PSMA4: variants seen among roughly 807,000 people sequenced by gnomAD.
PSMA4 encodes proteasome subunit alpha type-4.
In PSMA4, 8 loss-of-function variants were observed where a neutral mutation model predicts 37.2. The observed-to-expected ratio is 0.22, with a 90% CI of 0.13 to 0.39. PSMA4 has a LOEUF of 0.39. Ranked by LOEUF, PSMA4 falls within the 10% of genes least tolerant of loss-of-function variation. The probability of loss-of-function intolerance (pLI) is 1.00; values close to 1 mark genes in which losing one functional copy is unlikely to be tolerated. For synonymous variants in PSMA4, 93 were observed against 98.8 expected (o/e 0.94, Z 0.35); for missense variants, 169 against 305.1 (o/e 0.55, Z 3.32).
At position 78,542,746 on chromosome 15, in the gene PSMA4, T is replaced by A; in HGVS notation, c.209+101T>A. 3 of 1,170,900 alleles carry A rather than the reference T, an allele frequency of 2.6e-6. No homozygotes were observed. The East Asian group carries it at 7.2e-5, about 28-fold the overall frequency. The allele number at this position is 1,170,900 out of a possible 1,614,324, so 72.5% of individuals were successfully genotyped here. On this transcript the variant is annotated intron_variant, in intron 4 of 8. Transcript: ENST00000044462. ...GGCTCTTCCGTGCGATGTGGTAGAATTGAAATTGTGCCTTTATTTTGCTTG... is the reference window on the plus strand; with the variant it reads ...GGCTCTTCCGTGCGATGTGGTAGAAATGAAATTGTGCCTTTATTTTGCTTG...
intron 8 of PSMA4, 63 bp downstream of exon 8, chr15:78,546,761 T>C: frequency 2.0e-6 from 3 of 1,482,816 alleles, no homozygotes; most frequent in Non-Finnish European, 2.7e-6. Flanking sequence ...GCTGTTAAGA[T>C]TTTTTTCTTT....
intron 4 of PSMA4, among the ~76,000 whole-genome samples, chr15:78,543,496 C>A (rs1055900135): frequency 5.3e-5 from 8 of 152,138 alleles, no homozygotes; most frequent in African/African-American, 1.7e-4. Context: ...CTGCCATTGT[C>A]CCCTGTCACC....
chr15:78,541,961 G>A, intron 2 of PSMA4, 31 bp downstream of exon 2: 2 of 1,591,790 alleles, frequency 1.3e-6, no homozygotes, highest in Non-Finnish European at 1.7e-6. Flanking sequence ...ATAAACGGTT[G>A]CCTGATAAAC....
chr15:78,545,074 T>G (rs1596044038), intron 6 of PSMA4, 117 bp downstream of exon 6: 1 of 620,076 alleles, frequency 1.6e-6, no homozygotes, highest in East Asian at 2.9e-5. Flanking sequence ...AAATTTAATT[T>G]TTTTAATTGG....
chr15:78,541,795 C>T (rs2052457917), intron 1 of PSMA4, 110 bp from the exon 2 acceptor site: 3 of 908,730 alleles, frequency 3.3e-6, no homozygotes, highest in East Asian at 2.6e-5. Flanking sequence ...TAGCATAATG[C>T]CTGACACTTA....
At chr15:78,547,017 C>T (rs1342962540) in intron 8 of PSMA4, among the ~76,000 whole-genome samples, 1 of 152,186 alleles carries the variant, frequency 6.6e-6, no homozygotes, top group Admixed American at 6.5e-5. Context: ...CCTCCCGCTT[C>T]AGCCTCTCAA....
intron 8 of PSMA4, among the ~76,000 whole-genome samples, chr15:78,548,297 A>G (rs2052592297): frequency 6.6e-6 from 1 of 152,024 alleles, no homozygotes; most frequent in Non-Finnish European, 1.5e-5. Context: ...ACTTCCACCC[A>G]GTTTCAAGGA....
chr15:78,545,914 A>G, intron 7 of PSMA4, 150 bp downstream of exon 7: 1 of 855,352 alleles, frequency 1.2e-6, no homozygotes, highest in Non-Finnish European at 1.8e-6. Flanking sequence ...TGGTGACAGC[A>G]TTGCTGATAT....
At chr15:78,548,696 T>A in intron 8 of PSMA4, 94 bp from the exon 9 acceptor site, 1 of 1,490,940 alleles carries the variant, frequency 6.7e-7, no homozygotes, top group East Asian at 2.3e-5. Context: ...GTTTCAATGA[T>A]GTGGCGAGCA....
At chr15:78,540,647 G>T (rs1427394128) in intron 1 of PSMA4, 108 bp downstream of exon 1, 1 of 152,228 alleles carries the variant, frequency 6.6e-6, no homozygotes, top group Non-Finnish European at 1.5e-5. Context: ...CCGCCGAGGA[G>T]CCGTGGGCAC....
intron 8 of PSMA4, among the ~76,000 whole-genome samples, chr15:78,548,179 C>T (rs1279560421): frequency 1.3e-5 from 2 of 151,478 alleles, no homozygotes; most frequent in East Asian, 2.0e-4. Context: ...TGCAGTGAGC[C>T]GAGTTTGCGC....
At position 78,549,094 on chromosome 15, in the gene PSMA4, A is replaced by G. The variant is rs898000635; in HGVS notation, c.*150A>G. The G allele has an allele frequency of 6.8e-6, 8 of 1,173,260 alleles. No homozygotes were observed. The highest frequency in any genetic ancestry group is 3.8e-5 in the Admixed American group (1 of 26,408). 72.7% of individuals were successfully genotyped at this position (1,173,260 alleles called of 1,614,324 possible). On this transcript the variant is annotated 3_prime_UTR_variant, in exon 9 of 9. Coordinates refer to ENST00000044462, the MANE Select transcript of PSMA4 (RefSeq NM_002789.6). ...ATTGGGTCCTTGTCATTTCTGTCCA[A>G]TTGAATACTTTATTGTAACGATGAT... is the stretch of plus-strand genomic sequence containing the variant.
intron 3 of PSMA4, 53 bp from the exon 4 acceptor site, chr15:78,542,430 T>C (rs1449653518): frequency 1.1e-5 from 18 of 1,570,152 alleles, no homozygotes; most frequent in Non-Finnish European, 1.6e-5. Flanking sequence ...TTTGGGCCAG[T>C]GGTGCAGGAG....
Position 78,542,487 on chromosome 15 carries a change from C to T in PSMA4, c.51C>T (p.Arg17=). The T allele has an allele frequency of 1.2e-6, 2 of 1,612,536 alleles. No individual in the cohort carries two copies. Among genetic ancestry groups the T allele is most frequent in the African/African-American group, 1.3e-5 (1 of 74,922 alleles). The stretch of plus-strand genomic sequence containing the variant: ...CTCACTGCTTTTGTTTTGTAGGTCG[C>T]TTATACCAAGTTGAATATGCCATGG... ...SRTTIFSPEG[R]LYQVEYAMEA... is the part of the protein sequence containing the mutation. Residue 17 remains arginine (R), a synonymous_variant, in exon 4 of 9, where the codon CGC becomes CGT. Coordinates refer to ENST00000044462, the MANE Select transcript of PSMA4 (RefSeq NM_002789.6).
Position 78,546,493 on chromosome 15 carries a change from T to A in PSMA4, c.508-82T>A, listed in dbSNP as rs527924107. On this transcript the variant is annotated intron_variant, in intron 7 of 8. Coordinates refer to ENST00000044462, the MANE Select transcript of PSMA4 (RefSeq NM_002789.6). ...TTTATACTTGTAATGCCAATAATAA[T>A]TCAGGCATTTTTCTTCTAGACCAAT... 5.5e-6 allele frequency: 7 copies of A among 1,277,130 alleles called. No individual in the cohort carries two copies. In the African/African-American group the frequency reaches 1.1e-4, roughly 20 times the overall value. 79.1% of individuals were successfully genotyped at this position (1,277,130 alleles called of 1,614,324 possible). A position where few individuals can be genotyped will look rare whatever the true frequency, so the allele number is the denominator to read the frequency against.
chr15:78,545,412 T>A (rs2052534464), intron 6 of PSMA4, among the ~76,000 whole-genome samples: 1 of 152,256 alleles, frequency 6.6e-6, no homozygotes, highest in Non-Finnish European at 1.5e-5. Context: ...ATAATGAAAT[T>A]CAGCACTGGT....
In PSMA4 at chr15:78,545,605, A is replaced by C. The variant is rs763248157; in HGVS notation, c.377-29A>C. 22 of 1,608,026 alleles carry C rather than the reference A, an allele frequency of 1.4e-5. No individual in the cohort carries two copies. The Admixed American group carries it at 3.7e-4, about 27-fold the overall frequency. ...TAGTGATACTAAATTTAGATTATTG[A>C]TATGTTTGGCTTTTTTTCTTTGTTA... On this transcript the variant is annotated intron_variant, in intron 6 of 8. Coordinates refer to ENST00000044462, the MANE Select transcript of PSMA4 (RefSeq NM_002789.6).
rs1444606478 is a variant in PSMA4, at chr15:78,544,055, T to C, written c.210-135T>C. On this transcript the variant is annotated intron_variant, in intron 4 of 8. Transcript: ENST00000044462. The stretch of plus-strand genomic sequence containing the variant: ...CTCCTACAAAGATAAAACTTGTAGG[T>C]TTTTTCTGAAGGAAGTAGCTGTTGT... 4.9e-6 allele frequency: 3 copies of C among 608,730 alleles called. No homozygotes were observed. In the African/African-American group the frequency reaches 5.6e-5, roughly 11 times the overall value. 37.7% of individuals were successfully genotyped at this position (608,730 alleles called of 1,614,324 possible). A position where few individuals can be genotyped will look rare whatever the true frequency, so the allele number is the denominator to read the frequency against.
rs2052474942 is a variant in PSMA4 at position 78,542,597 on chromosome 15, A to G, written c.161A>G (p.Lys54Arg). ...LLAAERRNIH[K>R]LLDEVFFSEK... ...GCAGCAGAGAGACGCAACATCCACA[A>G]GCTTCTTGATGAAGTCTTTTTTTCT... The change falls in exon 4 of 9, where the codon AAG (lysine) becomes AGG (arginine). Residue 54 changes from lysine to arginine, a missense_variant. Lys to Arg is a conservative substitution (Grantham distance 26). Transcript: ENST00000044462. 1 of 1,612,864 alleles carries G rather than the reference A, an allele frequency of 6.2e-7. No homozygotes were observed.
Sources: allele counts gnomAD v4.1 joint callset (sites outside exome capture counted in the v4.1 genomes callset), GRCh38; gene constraint gnomAD v4.1.1; transcripts MANE v1.5; gene names NCBI Gene and HGNC (gene_info 2026-07-23, HGNC 2026-07-21).